The following SH3KBP1 variants were observed in gnomAD, a reference collection of about 807,000 sequenced individuals.
The protein encoded by SH3KBP1 is SH3 domain containing kinase binding protein 1.
Under a neutral mutation model 50.1 loss-of-function variants are expected in SH3KBP1, and 8 were observed. That is an observed-to-expected ratio of 0.16 (90% CI 0.09 to 0.29). SH3KBP1 has a LOEUF of 0.29. Ranked by LOEUF, SH3KBP1 falls within the 10% of genes least tolerant of loss-of-function variation. The probability of loss-of-function intolerance (pLI) is 1.00; values close to 1 mark genes in which losing one functional copy is unlikely to be tolerated. For synonymous variants in SH3KBP1, 227 were observed against 218.6 expected, an observed-to-expected ratio of 1.04 and a Z score of -0.34; for missense variants, 377 against 535.2, an observed-to-expected ratio of 0.70 and a Z score of 2.92.
At chrX:19,580,014 T>C (rs780986438) in intron 12 of SH3KBP1, among the ~76,000 whole-genome samples, 10 of 111,709 alleles carry the variant, frequency 9.0e-5, no homozygotes, top group Non-Finnish European at 1.3e-4. Context: ...TCTCCACACC[T>C]GAGCAAGGTA....
chrX:19,848,034 T>C (rs760412978), intron 1 of SH3KBP1, among the ~76,000 whole-genome samples: 1 of 112,009 alleles, frequency 8.9e-6, no homozygotes, highest in African/African-American at 3.2e-5. Flanking sequence ...AATTGAAATA[T>C]GAGTTAGTGA....
chrX:19,794,741 G>C (rs2066659244), intron 2 of SH3KBP1, among the ~76,000 whole-genome samples: 1 of 111,616 alleles, frequency 9.0e-6, no homozygotes, highest in Admixed American at 9.5e-5. Context: ...AGAAGAAAAT[G>C]ATAACAGTGC....
At chrX:19,577,474 A>G (rs1053092210) in intron 12 of SH3KBP1, among the ~76,000 whole-genome samples, 1 of 111,260 alleles carries the variant, frequency 9.0e-6, no homozygotes, top group South Asian at 3.8e-4. Context: ...ATAAACAAAA[A>G]TCATGCACTC....
chrX:19,598,229 T>TTTA (rs2066966392), intron 9 of SH3KBP1, among the ~76,000 whole-genome samples: 1 of 101,906 alleles, frequency 9.8e-6, no homozygotes, highest in African/African-American at 3.7e-5. Flanking sequence ...GCAAGTCTGT[T>TTTA]TTTATTTATT....
chrX:19,730,707 C>T (rs1245321790), intron 3 of SH3KBP1, among the ~76,000 whole-genome samples: 1 of 111,423 alleles, frequency 9.0e-6, no homozygotes, highest in East Asian at 2.8e-4. Flanking sequence ...ATTCATAATA[C>T]TAGGTTCCTG....
At chrX:19,840,479 A>AG (rs1378274000) in intron 1 of SH3KBP1, among the ~76,000 whole-genome samples, 1 of 112,940 alleles carries the variant, frequency 8.9e-6, no homozygotes, top group Non-Finnish European at 1.9e-5. Flanking sequence ...TGTGACTACT[A>AG]GAACATTTAA....
chrX:19,848,770 T>C (rs2068427191), intron 1 of SH3KBP1, among the ~76,000 whole-genome samples: 1 of 109,963 alleles, frequency 9.1e-6, no homozygotes, highest in South Asian at 3.9e-4. Flanking sequence ...GCTGTGGATA[T>C]TGATTGATTG....
chrX:19,766,590 C>T (rs1393394991), intron 2 of SH3KBP1, among the ~76,000 whole-genome samples: 2 of 99,418 alleles, frequency 2.0e-5, no homozygotes, highest in African/African-American at 7.6e-5. Flanking sequence ...CCGCAAGCTC[C>T]GCCTCCCAGT....
chrX:19,854,034 G>T (rs1363476636), intron 1 of SH3KBP1, among the ~76,000 whole-genome samples: 1 of 111,366 alleles, frequency 9.0e-6, no homozygotes, highest in East Asian at 2.8e-4. Flanking sequence ...CAGAATGGGA[G>T]ACTACCTGTC....
intron 1 of SH3KBP1, among the ~76,000 whole-genome samples, chrX:19,867,535 C>A (rs955699822): frequency 1.8e-5 from 2 of 111,837 alleles, no homozygotes; most frequent in Admixed American, 9.5e-5. Context: ...GTCAGACATG[C>A]GATTCTCTTC....
intron 5 of SH3KBP1, among the ~76,000 whole-genome samples, 170 bp from the exon 6 acceptor site, chrX:19,684,198 T>C (rs762969563): frequency 1.8e-5 from 2 of 112,528 alleles, no homozygotes; most frequent in African/African-American, 6.5e-5. Context: ...CTCTGAGTTT[T>C]GTTTGATCTC....
rs2063115590 is a variant in SH3KBP1, at chrX:19,684,000, A to C, written c.549T>G (p.Ser183Arg). ...TGGTGCTGCTTGAGTCACCCCCATCACTCTCGGAGCCTGTGGTTTCCCTTA... is the reference window on the plus strand; with the variant it reads ...TGGTGCTGCTTGAGTCACCCCCATCCCTCTCGGAGCCTGTGGTTTCCCTTA... The part of the protein sequence containing the change: ...SSLRETTGSE[S>R]DGGDSSSTKS... Residue 183 changes from serine to arginine, a missense_variant, in exon 6 of 18, where the codon AGT becomes AGG. Ser to Arg is a moderately radical substitution (Grantham distance 110, BLOSUM62 -1). Coordinates refer to ENST00000397821, the MANE Select transcript of SH3KBP1 (RefSeq NM_031892.3). 15 of 1,208,470 alleles carry C rather than the reference A, an allele frequency of 1.2e-5. No homozygotes were observed. Among genetic ancestry groups the C allele is most frequent in the Non-Finnish European group, 1.7e-5 (15 of 894,329 alleles).
chrX:19,827,959 GATC>G (rs1489013306), intron 2 of SH3KBP1, among the ~76,000 whole-genome samples: 18 of 108,670 alleles, frequency 1.7e-4, no homozygotes, highest in African/African-American at 5.7e-4. Context: ...CAAAAAAGAT[GATC>G]ATGTGACCTT....
At chrX:19,561,075 A>C (rs1020047837) in intron 13 of SH3KBP1, among the ~76,000 whole-genome samples, 1,856 of 101,359 alleles carry the variant, frequency 0.018, 60 homozygotes, top group African/African-American at 0.068. Flanking sequence ...CCCTGTCTAA[A>C]AAAAAAAAAA....
chrX:19,537,631 T>C lies in SH3KBP1; in HGVS notation c.1956+86A>G, dbSNP rs1178594402. On this transcript the variant is annotated intron_variant, in intron 17 of 17. Transcript: ENST00000397821. ...ATCCAGATCTGCAGAGAGGTGACAA[T>C]CATTTATTTTTGAAATAAAAGCCCT... 10 of 758,816 alleles carry C rather than the reference T, an allele frequency of 1.3e-5. No individual in the cohort carries two copies. In the East Asian group the frequency reaches 2.8e-4, roughly 22 times the overall value. 62.5% of individuals were successfully genotyped at this position (758,816 alleles called of 1,213,427 possible).
At chrX:19,684,869 T>C (rs1442209078) in intron 5 of SH3KBP1, among the ~76,000 whole-genome samples, 1 of 112,313 alleles carries the variant, frequency 8.9e-6, no homozygotes, top group Non-Finnish European at 1.9e-5. Flanking sequence ...CAAGACAACA[T>C]GGACACTTAC....
chrX:19,830,649 C>T (rs2067845241), intron 2 of SH3KBP1, among the ~76,000 whole-genome samples: 1 of 108,674 alleles, frequency 9.2e-6, no homozygotes. Flanking sequence ...GTGGTCTCAA[C>T]TACTCAGGAG....
intron 10 of SH3KBP1, among the ~76,000 whole-genome samples, chrX:19,592,513 T>A (rs2066779995): frequency 9.0e-6 from 1 of 111,464 alleles, no homozygotes; most frequent in Non-Finnish European, 1.9e-5. Context: ...GGCCACTGAA[T>A]GTTGTGTTCT....
chrX:19,549,980 G>A lies in SH3KBP1; in HGVS notation c.1488C>T (p.Leu496=), dbSNP rs141233913. 9.4e-5 allele frequency: 112 copies of A among 1,186,422 alleles called. No homozygotes were observed. The Middle Eastern group carries it at 2.1e-3, about 22-fold the overall frequency. Residue 496 remains leucine (L), a synonymous_variant, in exon 14 of 18, where the codon CTC becomes CTT. Coordinates refer to ENST00000397821, the MANE Select transcript of SH3KBP1 (RefSeq NM_031892.3). The stretch of plus-strand genomic sequence containing the variant: ...AGTTTGAGGAGACACTTACAGATGT[G>A]AGGGACTGGGACGGAGGCCGCCTCC... The part of the protein sequence containing the change: ...ATGRRPPSQS[L]TSSSLSSPDI...
Sources: gnomAD v4.1 joint callset for allele counts (sites outside exome capture counted in the v4.1 genomes callset) on GRCh38, gnomAD v4.1.1 for gene constraint, MANE v1.5 for transcripts, NCBI Gene and HGNC (gene_info 2026-07-23, HGNC 2026-07-21) for gene names.